YIPF2: variants seen among roughly 807,000 people sequenced by gnomAD.
YIPF2 encodes Yip1 domain family member 2.
In YIPF2, 30 loss-of-function variants were observed where a neutral mutation model predicts 38.8. That is an observed-to-expected ratio of 0.77 (90% CI 0.58 to 1.05). The LOEUF is 1.05. Among genes scored for constraint, YIPF2 ranks in the 50% least tolerant of loss-of-function variants. YIPF2 has a pLI of 0.00. For missense variants in YIPF2, 401 were observed against 409.7 expected (o/e 0.98, Z 0.18); for synonymous variants, 194 against 183.8 (o/e 1.06, Z -0.45).
Position 10,925,696 on chromosome 19 carries a change from C to T in YIPF2, c.357G>A (p.Pro119=), listed in dbSNP as rs553916900. ...NFVRHHLRNR[P]DLYGPFWICA... ...CACAACCTCACTCACCATACAGATCCGGCCGATTCCGCAGATGGTGCCGCA... is the reference window on the plus strand; with the variant it reads ...CACAACCTCACTCACCATACAGATCTGGCCGATTCCGCAGATGGTGCCGCA... The change falls in exon 5 of 10, where the codon CCG becomes CCA. Residue 119 remains proline (P), a synonymous_variant. Transcript: ENST00000586748. 7.4e-6 allele frequency: 12 copies of T among 1,614,024 alleles called. No individual in the cohort carries two copies. The highest frequency in any genetic ancestry group is 5.5e-5 in the South Asian group (5 of 91,082).
At chr19:10,927,498 C>T (rs1056130630) in intron 4 of YIPF2, 132 bp downstream of exon 4, 23 of 1,172,570 alleles carry the variant, frequency 2.0e-5, no homozygotes, top group African/African-American at 3.1e-5. Context: ...ATAACCAGTC[C>T]CACCATAACC....
In YIPF2 at chr19:10,928,555, TC is replaced by T. The variant is rs1209267697; in HGVS notation, c.-76del. 4 of 1,138,954 alleles carry T rather than the reference TC, an allele frequency of 3.5e-6. No homozygotes were observed. Among genetic ancestry groups the T allele is most frequent in the Non-Finnish European group, 4.7e-6 (4 of 859,272 alleles). The allele number at this position is 1,138,954 out of a possible 1,614,324, so 70.6% of individuals were successfully genotyped here. A position where few individuals can be genotyped will look rare whatever the true frequency, so the allele number is the denominator to read the frequency against. On this transcript the variant is annotated 5_prime_UTR_variant, in exon 1 of 10. Transcript: ENST00000586748. The stretch of plus-strand genomic sequence containing the variant: ...ACGGAGGCTTGAACTCGTCGTCCCG[TC>T]CCCACAGGTGCGCTCCGCCCCCCCT...
Position 10,923,051 on chromosome 19 carries a change from TAA to T in YIPF2, c.*141_*142del, listed in dbSNP as rs2145258512. 1 of 479,108 alleles carries T rather than the reference TAA, an allele frequency of 2.1e-6. No homozygotes were observed. Among genetic ancestry groups the T allele is most frequent in the East Asian group, 3.9e-5 (1 of 25,874 alleles). The allele number at this position is 479,108 out of a possible 1,614,324, so 29.7% of individuals were successfully genotyped here. On this transcript the variant is annotated 3_prime_UTR_variant, in exon 10 of 10. Transcript: ENST00000586748. ...CTCTGAATCACCTTTGCATAGAAAATAAAAGTGTTTGCTTTGTAAGAAAAGTC... is the reference window on the plus strand; with the variant it reads ...CTCTGAATCACCTTTGCATAGAAAATAAGTGTTTGCTTTGTAAGAAAAGTC...
In YIPF2 at chr19:10,927,928, G is replaced by T. The variant is rs760629274; in HGVS notation, c.63C>A (p.Asp21Glu). 14 of 1,609,934 alleles carry T rather than the reference G, an allele frequency of 8.7e-6. No homozygotes were observed. The highest frequency in any genetic ancestry group is 1.2e-5 in the Non-Finnish European group (14 of 1,176,848). Residue 21 changes from aspartate to glutamate, a missense_variant, in exon 3 of 10, where the codon GAC becomes GAA. Transcript: ENST00000586748. ...TGCTGGTGGTGGCTGCATCTGGGGT[G>T]TCAGCCAGAAGATTAGTGGCCTCCT... is the stretch of plus-strand genomic sequence containing the variant. Reference protein sequence around the residue: ...EFEEATNLLADTPDAATTSRS... With the variant: ...EFEEATNLLAETPDAATTSRS...
At chr19:10,925,905 CTTT>C (rs1164644174) in intron 4 of YIPF2, 132 bp from the exon 5 acceptor site, 8,392 of 423,834 alleles carry the variant, frequency 0.02, no homozygotes, top group East Asian at 0.026. Flanking sequence ...CTTTCCCTCT[CTTT>C]TTTTTTTTTT....
Position 10,928,608 on chromosome 19 carries a change from G to T in YIPF2, c.-128C>A. The T allele has an allele frequency of 2.2e-6, 2 of 900,478 alleles. No individual in the cohort carries two copies. Among genetic ancestry groups the T allele is most frequent in the Non-Finnish European group, 3.1e-6 (2 of 638,898 alleles). The allele number at this position is 900,478 out of a possible 1,614,324, so 55.8% of individuals were successfully genotyped here. A position where few individuals can be genotyped will look rare whatever the true frequency, so the allele number is the denominator to read the frequency against. ...ACCTGAGGCCACCTGGGCCGGCGTGGCTGGGGCTCTCTGCGCCTGCGCGTC... is the reference window on the plus strand; with the variant it reads ...ACCTGAGGCCACCTGGGCCGGCGTGTCTGGGGCTCTCTGCGCCTGCGCGTC... On this transcript the variant is annotated 5_prime_UTR_variant, in exon 1 of 10. Coordinates refer to ENST00000586748, the MANE Select transcript of YIPF2 (RefSeq NM_001321439.2).
chr19:10,928,622 C>A lies in YIPF2; in HGVS notation c.-142G>T. On this transcript the variant is annotated 5_prime_UTR_variant, in exon 1 of 10. Transcript: ENST00000586748. Reference sequence around the variant, plus strand: ...GGGCCGGCGTGGCTGGGGCTCTCTGCGCCTGCGCGTCTCGCCTACCCGTCA... The same window carrying A: ...GGGCCGGCGTGGCTGGGGCTCTCTGAGCCTGCGCGTCTCGCCTACCCGTCA... The A allele has an allele frequency of 2.3e-6, 2 of 851,792 alleles. No individual in the cohort carries two copies. The highest frequency in any genetic ancestry group is 6.6e-5 in the East Asian group (2 of 30,314). The allele number at this position is 851,792 out of a possible 1,614,324, so 52.8% of individuals were successfully genotyped here.
At position 10,923,619 on chromosome 19, in the gene YIPF2, C is replaced by T. The variant is rs2074307109; in HGVS notation, c.710G>A (p.Gly237Asp). The T allele has an allele frequency of 6.2e-7, 1 of 1,612,794 alleles. No individual in the cohort carries two copies. The highest frequency in any genetic ancestry group is 8.5e-7 in the Non-Finnish European group (1 of 1,179,584). Reference protein sequence around the residue: ...LQWLFGALALGLSAAGLVFTL... With the variant: ...LQWLFGALALDLSAAGLVFTL... ...GAATACCAGCCCGGCGGCTGACAGG[C>T]CCAGGGCCAGCGCCCCAAAGAGCCA... Residue 237 changes from glycine to aspartate, a missense_variant, in exon 8 of 10, where the codon GGC becomes GAC. By Grantham distance (94) the Gly-to-Asp change is moderately conservative. Transcript: ENST00000586748.
In YIPF2 at chr19:10,928,587, G is replaced by C; in HGVS notation, c.-107C>G. ...AGGTGCGCTCCGCCCCCCCTCACCT[G>C]AGGCCACCTGGGCCGGCGTGGCTGG... On this transcript the variant is annotated 5_prime_UTR_variant, in exon 1 of 10. Transcript: ENST00000586748. 1 of 991,890 alleles carries C rather than the reference G, an allele frequency of 1.0e-6. No homozygotes were observed. 61.4% of individuals were successfully genotyped at this position (991,890 alleles called of 1,614,324 possible).
In YIPF2 at chr19:10,927,485, T is replaced by A; in HGVS notation, c.279+145A>T. 3 of 1,070,660 alleles carry A rather than the reference T, an allele frequency of 2.8e-6. 1 individual carries two copies. The South Asian group carries it at 4.8e-5, about 17-fold the overall frequency. 66.3% of individuals were successfully genotyped at this position (1,070,660 alleles called of 1,614,324 possible). ...GTCCCCTGTGTTCCCATAGTCCCGA[T>A]CCATAACCAGTCCCACCATAACCCT... On this transcript the variant is annotated intron_variant, in intron 4 of 9. Coordinates refer to ENST00000586748, the MANE Select transcript of YIPF2 (RefSeq NM_001321439.2).
rs767889360 is a variant in YIPF2 at position 10,923,546 on chromosome 19, C to A, written c.783G>T (p.Val261=). Reference sequence around the variant, plus strand: ...GGAGCAGCACGACCACGGACAGCAGCACTGTGGCCACCAGCCTGGTGTCCT... The same window carrying A: ...GGAGCAGCACGACCACGGACAGCAGAACTGTGGCCACCAGCCTGGTGTCCT... ...VREDTRLVAT[V]LLSVVVLLHA... is the part of the protein sequence containing the mutation. Residue 261 remains valine (V), a synonymous_variant, in exon 8 of 10, where the codon GTG becomes GTT. Coordinates refer to ENST00000586748, the MANE Select transcript of YIPF2 (RefSeq NM_001321439.2). 15 of 1,612,500 alleles carry A rather than the reference C, an allele frequency of 9.3e-6. No homozygotes were observed. The Admixed American group carries it at 1.2e-4, about 13-fold the overall frequency.
In YIPF2 at chr19:10,927,648, A is replaced by C; in HGVS notation, c.261T>G (p.Phe87Leu). The C allele has an allele frequency of 2.5e-6, 4 of 1,613,840 alleles. No individual in the cohort carries two copies. The highest frequency in any genetic ancestry group is 2.5e-6 in the Non-Finnish European group (3 of 1,179,988). Residue 87 changes from phenylalanine to leucine, a missense_variant, in exon 4 of 10, where the codon TTT (phenylalanine) becomes TTG (leucine). Coordinates refer to ENST00000586748, the MANE Select transcript of YIPF2 (RefSeq NM_001321439.2). ...FWTFSYYQSF[F>L]DVDTSQVLDR... is the part of the protein sequence containing the mutation. ...GCCTGACCTGTGAGGTGTCCACGTC[A>C]AAGAAGCTCTGATAGTAGCTGAAGG...
At chr19:10,924,037 C>T (rs1451209867) in intron 6 of YIPF2, 38 bp from the exon 7 acceptor site, 2 of 1,612,810 alleles carry the variant, frequency 1.2e-6, no homozygotes, top group Middle Eastern at 1.7e-4. Context: ...CCCTGTACCC[C>T]AGGGCCCTGC....
At chr19:10,926,447 C>T (rs1329419113) in intron 4 of YIPF2, among the ~76,000 whole-genome samples, 3 of 151,540 alleles carry the variant, frequency 2.0e-5, no homozygotes, top group South Asian at 4.2e-4. Flanking sequence ...AGGATGGTCT[C>T]GATCTCCTGA....
In YIPF2 at chr19:10,923,137, G is replaced by T. The variant is rs751074764; in HGVS notation, c.*57C>A. 2.4e-5 allele frequency: 16 copies of T among 655,382 alleles called. No homozygotes were observed. Among genetic ancestry groups the T allele is most frequent in the African/African-American group, 3.7e-5 (2 of 54,026 alleles). The allele number at this position is 655,382 out of a possible 1,614,324, so 40.6% of individuals were successfully genotyped here. ...GGAGCCTTCAGTCATCGTCTGGGGG[G>T]CAGGACAGGCAGAGGGGTTGGTCCA... On this transcript the variant is annotated 3_prime_UTR_variant, in exon 10 of 10. Coordinates refer to ENST00000586748, the MANE Select transcript of YIPF2 (RefSeq NM_001321439.2).
At position 10,923,878 on chromosome 19, in the gene YIPF2, A is replaced by C; in HGVS notation, c.606T>G (p.Thr202=). The C allele has an allele frequency of 6.2e-7, 1 of 1,613,358 alleles. No homozygotes were observed. Among genetic ancestry groups the C allele is most frequent in the Non-Finnish European group, 8.5e-7 (1 of 1,179,648 alleles). The change falls in exon 7 of 10, where the codon ACT becomes ACG. Residue 202 remains threonine (T), a synonymous_variant. Transcript: ENST00000586748. ...AGAGGGAGTAGCCGTAGATGCACAC[A>C]GTCTCCAGGAAGGTGTAGGGCCCCA... The part of the protein sequence containing the change: ...ERMGPYTFLE[T]VCIYGYSLFV...
chr19:10,923,185 G>A lies in YIPF2; in HGVS notation c.*20-11C>T, dbSNP rs1568360768. The stretch of plus-strand genomic sequence containing the variant: ...CCACTTAGGTGTTGCCTGAAAGAAA[G>A]AATTGTCTGGGAGTGGCCCCAGAAC... On this transcript the variant is annotated splice_polypyrimidine_tract_variant and intron_variant, in intron 9 of 9. Coordinates refer to ENST00000586748, the MANE Select transcript of YIPF2 (RefSeq NM_001321439.2). 2.5e-6 allele frequency: 3 copies of A among 1,201,530 alleles called. No homozygotes were observed. The East Asian group carries it at 7.3e-5, about 29-fold the overall frequency. The allele number at this position is 1,201,530 out of a possible 1,614,324, so 74.4% of individuals were successfully genotyped here.
intron 2 of YIPF2, 61 bp from the exon 3 acceptor site, chr19:10,928,020 C>T: frequency 6.4e-7 from 1 of 1,555,790 alleles, no homozygotes. Context: ...TCGACTGGGC[C>T]CAAGCTAAAC....
chr19:10,923,516 G>A lies in YIPF2; in HGVS notation c.813C>T (p.Ala271=), dbSNP rs756562770. 3.7e-6 allele frequency: 6 copies of A among 1,612,704 alleles called. No homozygotes were observed. Among genetic ancestry groups the A allele is most frequent in the South Asian group, 3.3e-5 (3 of 91,070 alleles). ...VLLSVVVLLH[A]LLAMGCKLYF... The stretch of plus-strand genomic sequence containing the variant: ...GTACCTTACAGCCCATGGCCAGGAG[G>A]GCGTGGAGCAGCACGACCACGGACA... The change falls in exon 8 of 10, where the codon GCC becomes GCT. Residue 271 remains alanine (A), a synonymous_variant. Transcript: ENST00000586748.
Sources: allele counts gnomAD v4.1 joint callset (sites outside exome capture counted in the v4.1 genomes callset), GRCh38; gene constraint gnomAD v4.1.1; transcripts MANE v1.5; gene names NCBI Gene and HGNC (gene_info 2026-07-23, HGNC 2026-07-21).